GALNT13: variants seen among roughly 807,000 people sequenced by gnomAD.
GALNT13 encodes the protein UDP-GalNAc:polypeptide N-acetylgalactosaminyltransferase 13.
A neutral mutation model predicts 64.2 loss-of-function variants in GALNT13; 28 were observed. The observed-to-expected ratio is 0.44, with a 90% CI of 0.32 to 0.60. The LOEUF is 0.60. Ranked by LOEUF, GALNT13 falls within the 20% of genes least tolerant of loss-of-function variation. The pLI is 0.05. For synonymous variants in GALNT13, 214 were observed against 224.6 expected (o/e 0.95, Z 0.42); for missense variants, 577 against 669.8 (o/e 0.86, Z 1.53).
the GALNT13 span, among the ~76,000 whole-genome samples, chr2:153,583,790 A>G: frequency 6.6e-6 from 1 of 152,152 alleles, no homozygotes; most frequent in Non-Finnish European, 1.5e-5. Flanking sequence ...AGCAGTGTCA[A>G]TCCTAGCTGT....
At chr2:154,203,036 C>T (rs942545078) in intron 4 of GALNT13, among the ~76,000 whole-genome samples, 1 of 152,062 alleles carries the variant, frequency 6.6e-6, no homozygotes, top group African/African-American at 2.4e-5. Context: ...CGAAAATATA[C>T]TTTTGAAAGT....
the GALNT13 span, among the ~76,000 whole-genome samples, chr2:153,310,382 C>T: frequency 1.3e-5 from 2 of 152,104 alleles, no homozygotes; most frequent in Admixed American, 1.3e-4. Context: ...GACCCTTCAA[C>T]AATATGGGTA....
At chr2:154,402,528 A>G (rs569854658) in intron 10 of GALNT13, among the ~76,000 whole-genome samples, 198 of 152,394 alleles carry the variant, frequency 1.3e-3, no homozygotes, top group African/African-American at 4.7e-3. Flanking sequence ...ACAGCCAATT[A>G]AAGTTAAAAC....
the GALNT13 span, among the ~76,000 whole-genome samples, chr2:153,569,456 C>T: frequency 6.6e-6 from 1 of 150,890 alleles, no homozygotes; most frequent in Non-Finnish European, 1.5e-5. Flanking sequence ...TTATAGAAGT[C>T]CTCAGTTGAA....
At chr2:153,610,942 G>A in the GALNT13 span, among the ~76,000 whole-genome samples, 2 of 152,006 alleles carry the variant, frequency 1.3e-5, no homozygotes, top group Admixed American at 1.3e-4. Flanking sequence ...GGACCAAGAA[G>A]CACAGTATTA....
chr2:153,482,305 A>C, the GALNT13 span, among the ~76,000 whole-genome samples: 1 of 152,222 alleles, frequency 6.6e-6, no homozygotes, highest in Admixed American at 6.5e-5. Flanking sequence ...AGGAAAAAAC[A>C]GAATGTTAAA....
the GALNT13 span, among the ~76,000 whole-genome samples, chr2:153,425,310 TG>T: frequency 6.6e-6 from 1 of 151,702 alleles, no homozygotes; most frequent in African/African-American, 2.4e-5. Flanking sequence ...TTCCTTTGTT[TG>T]CAATATTTTA....
At chr2:154,418,766 A>C (rs116053284) in intron 11 of GALNT13, among the ~76,000 whole-genome samples, 236 of 152,322 alleles carry the variant, frequency 1.5e-3, no homozygotes, top group African/African-American at 5.5e-3. Context: ...TATAGCTCAG[A>C]GTTCATAAAT....
chr2:153,997,011 A>G (rs1292783682), intron 3 of GALNT13, among the ~76,000 whole-genome samples: 4 of 152,106 alleles, frequency 2.6e-5, no homozygotes, highest in East Asian at 3.9e-4. Flanking sequence ...TGGCTTCTCT[A>G]TTCTGTTCTG....
the GALNT13 span, among the ~76,000 whole-genome samples, chr2:153,783,919 G>A: frequency 6.6e-6 from 1 of 152,042 alleles, no homozygotes; most frequent in East Asian, 1.9e-4. Context: ...ACCCAGTCTC[G>A]GGTATGTCTT....
intron 3 of GALNT13, among the ~76,000 whole-genome samples, chr2:154,114,691 A>G (rs544339962): frequency 6.6e-6 from 1 of 152,156 alleles, no homozygotes; most frequent in Non-Finnish European, 1.5e-5. Flanking sequence ...TGTTTTTATA[A>G]TCCAAATTGG....
chr2:153,554,303 C>T, the GALNT13 span, among the ~76,000 whole-genome samples: 1 of 151,826 alleles, frequency 6.6e-6, no homozygotes, highest in African/African-American at 2.4e-5. Flanking sequence ...CACTGCACTC[C>T]AGCCTGGGTG....
intron 4 of GALNT13, among the ~76,000 whole-genome samples, chr2:154,165,120 A>G (rs1310506934): frequency 6.6e-6 from 1 of 152,156 alleles, no homozygotes. Context: ...AAATAGTAAG[A>G]TGCTACTTTC....
chr2:154,016,436 T>C (rs1697008440), intron 3 of GALNT13, among the ~76,000 whole-genome samples: 1 of 152,126 alleles, frequency 6.6e-6, no homozygotes, highest in Non-Finnish European at 1.5e-5. Context: ...TTGTTTGTTT[T>C]TGACAGAGTC....
chr2:153,800,228 T>C, the GALNT13 span, among the ~76,000 whole-genome samples: 2 of 152,132 alleles, frequency 1.3e-5, no homozygotes, highest in African/African-American at 2.4e-5. Context: ...ATGAAAATTA[T>C]GTTTACCCTA....
At chr2:154,141,368 G>C (rs374202859) in intron 4 of GALNT13, among the ~76,000 whole-genome samples, 2 of 151,728 alleles carry the variant, frequency 1.3e-5, no homozygotes, top group African/African-American at 4.8e-5. Context: ...AAACTGTTTA[G>C]TATTAATACT....
At chr2:154,284,568 A>G (rs1692154386) in intron 8 of GALNT13, among the ~76,000 whole-genome samples, 1 of 137,848 alleles carries the variant, frequency 7.3e-6, no homozygotes, top group East Asian at 2.0e-4. Context: ...TGTATCTCAC[A>G]TTTTCTTTAT....
chr2:153,183,952 G>A, the GALNT13 span, among the ~76,000 whole-genome samples: 4 of 151,942 alleles, frequency 2.6e-5, no homozygotes, highest in African/African-American at 4.8e-5. Context: ...TCAGCTATGC[G>A]GGCTCTTTTT....
the GALNT13 span, among the ~76,000 whole-genome samples, chr2:153,677,308 C>G: frequency 6.6e-6 from 1 of 151,178 alleles, no homozygotes; most frequent in East Asian, 1.9e-4. Flanking sequence ...CACACACACA[C>G]ACACACACAC....
Sources: allele counts gnomAD v4.1 joint callset (sites outside exome capture counted in the v4.1 genomes callset), GRCh38; gene constraint gnomAD v4.1.1; transcripts MANE v1.5; gene names NCBI Gene and HGNC (gene_info 2026-07-23, HGNC 2026-07-21).